Variants in CPSF7 observed in about 807,000 individuals in gnomAD.
CPSF7 encodes the protein cleavage and polyadenylation specific factor 7.
Under a neutral mutation model 44.3 loss-of-function variants are expected in CPSF7, and 1 was observed. The observed-to-expected ratio is 0.02, with a 90% CI of 0.01 to 0.11. The LOEUF (loss-of-function observed/expected upper bound fraction) is 0.11. Among genes scored for constraint, CPSF7 ranks in the 10% least tolerant of loss-of-function variants. The pLI is 1.00. For synonymous variants in CPSF7, 202 were observed against 222.0 expected, an observed-to-expected ratio of 0.91 and a Z score of 0.80; for missense variants, 443 against 607.2, an observed-to-expected ratio of 0.73 and a Z score of 2.84.
At chr11:61,415,552 G>T in intron 7 of CPSF7, 114 bp downstream of exon 7, 3 of 704,438 alleles carry the variant, frequency 4.3e-6, no homozygotes, top group East Asian at 2.5e-5. Flanking sequence ...TGCCGCTCTT[G>T]ATATCTACAG....
At chr11:61,425,680 ATT>A (rs1320114819) in intron 2 of CPSF7, among the ~76,000 whole-genome samples, 1 of 152,140 alleles carries the variant, frequency 6.6e-6, no homozygotes, top group Admixed American at 6.5e-5. Flanking sequence ...ACTTGATACC[ATT>A]GTTTCTTTTA....
chr11:61,424,478 A>G (rs974477726), intron 2 of CPSF7, among the ~76,000 whole-genome samples: 2 of 152,170 alleles, frequency 1.3e-5, no homozygotes, highest in Middle Eastern at 3.4e-3. Context: ...TCTGAGATAG[A>G]GTCTCACTTT....
At chr11:61,427,589 G>A (rs887825275) in intron 2 of CPSF7, among the ~76,000 whole-genome samples, 1 of 150,876 alleles carries the variant, frequency 6.6e-6, no homozygotes, top group Non-Finnish European at 1.5e-5. Context: ...GGAGGCAGAG[G>A]TTGCAGTGAG....
chr11:61,428,176 A>G (rs1861578129), intron 2 of CPSF7, among the ~76,000 whole-genome samples: 1 of 152,198 alleles, frequency 6.6e-6, no homozygotes, highest in Non-Finnish European at 1.5e-5. Flanking sequence ...TATTTCTTTG[A>G]GAGAATTTTT....
At chr11:61,415,933 C>T (rs1860288526) in intron 6 of CPSF7, 149 bp from the exon 7 acceptor site, 1 of 846,726 alleles carries the variant, frequency 1.2e-6, no homozygotes, top group Admixed American at 2.5e-5. Flanking sequence ...AATTAAGCAC[C>T]TTAAAAAGGG....
Position 61,416,447 on chromosome 11 carries a change from A to C in CPSF7, c.596T>G (p.Leu199Arg), listed in dbSNP as rs944294721. The C allele has an allele frequency of 6.2e-7, 1 of 1,614,096 alleles. No individual in the cohort carries two copies. The highest frequency in any genetic ancestry group is 8.5e-7 in the Non-Finnish European group (1 of 1,180,012). The stretch of plus-strand genomic sequence containing the variant: ...ATCCACACGAGCAGATGAGGGTACA[A>C]GGTTCTCAGAGGGTGTGGCCCGTCC... ...ADGRATPSEN[L>R]VPSSARVDKP... Residue 199 changes from leucine (L) to arginine (R), a missense_variant, in exon 6 of 10, where the codon CTT becomes CGT. Coordinates refer to ENST00000439958, the MANE Select transcript of CPSF7 (RefSeq NM_001142565.3).
chr11:61,423,450 C>A (rs1861080302), intron 2 of CPSF7, among the ~76,000 whole-genome samples: 1 of 152,064 alleles, frequency 6.6e-6, no homozygotes, highest in Non-Finnish European at 1.5e-5. Context: ...GGATTACAGG[C>A]GTGAGCCACC....
At chr11:61,406,537 T>C (rs940593134) in intron 9 of CPSF7, among the ~76,000 whole-genome samples, 1 of 152,184 alleles carries the variant, frequency 6.6e-6, no homozygotes, top group Admixed American at 6.5e-5. Flanking sequence ...CAGACTATTA[T>C]TCAGATGCAA....
rs370470692 is a variant in CPSF7 at position 61,414,874 on chromosome 11, T to C, written c.1057+792A>G. Among the ~76,000 whole-genome samples the C allele has an allele frequency of 3.3e-5, 5 of 152,162 alleles. No individual in the cohort carries two copies. The East Asian group carries it at 7.7e-4, about 23-fold the overall frequency. On this transcript the variant is annotated intron_variant, in intron 7 of 9. Transcript: ENST00000439958. The stretch of plus-strand genomic sequence containing the variant: ...TGCCTTAAGATGACATCTACAGACT[T>C]GCCTCTTTTTAGGATAGGCTACCTA...
chr11:61,408,538 C>T lies in CPSF7; in HGVS notation c.*5+2400G>A, dbSNP rs576241381. On this transcript the variant is annotated intron_variant, in intron 9 of 9. Coordinates refer to ENST00000439958, the MANE Select transcript of CPSF7 (RefSeq NM_001142565.3). ...GTCACGCAGTAGCCTCCAAGAACTA[C>T]AGACAGACCCCTAGCCACTCTGGCC... Among the ~76,000 whole-genome samples the T allele has an allele frequency of 7.8e-4, 119 of 152,342 alleles. No homozygotes were observed. The Middle Eastern group carries it at 0.014, about 17-fold the overall frequency.
intron 7 of CPSF7, among the ~76,000 whole-genome samples, chr11:61,412,635 G>A (rs538628726): frequency 1.1e-4 from 17 of 152,188 alleles, no homozygotes; most frequent in Non-Finnish European, 2.2e-4. Flanking sequence ...CTATATAAAG[G>A]AACATTGGTT....
intron 2 of CPSF7, among the ~76,000 whole-genome samples, chr11:61,425,079 T>C (rs745898690): frequency 2.0e-5 from 3 of 152,202 alleles, no homozygotes; most frequent in Non-Finnish European, 2.9e-5. Context: ...CTACCACTTT[T>C]AGAAACAAAA....
chr11:61,425,476 T>C (rs1053225023), intron 2 of CPSF7, among the ~76,000 whole-genome samples: 21 of 152,248 alleles, frequency 1.4e-4, no homozygotes, highest in Admixed American at 3.9e-4. Context: ...TTGTGTTTAA[T>C]GGCACAGAAA....
At chr11:61,412,552 G>C (rs1859950988) in intron 7 of CPSF7, among the ~76,000 whole-genome samples, 1 of 152,196 alleles carries the variant, frequency 6.6e-6, no homozygotes, top group African/African-American at 2.4e-5. Flanking sequence ...GCCTCCCAAA[G>C]TGCTGGGATT....
At chr11:61,427,657 A>G (rs1387771691) in intron 2 of CPSF7, among the ~76,000 whole-genome samples, 1 of 147,696 alleles carries the variant, frequency 6.8e-6, no homozygotes, top group Non-Finnish European at 1.5e-5. Flanking sequence ...TGTCTCAAGA[A>G]AAAAAAAAAA....
At chr11:61,414,345 T>C (rs907326987) in intron 7 of CPSF7, among the ~76,000 whole-genome samples, 1 of 151,934 alleles carries the variant, frequency 6.6e-6, no homozygotes, top group Admixed American at 6.6e-5. Context: ...TTAGTAGAGA[T>C]GGGGTTTTGC....
chr11:61,415,073 CA>C lies in CPSF7; in HGVS notation c.1057+592del, dbSNP rs201215438. 8.3e-3 allele frequency among the ~76,000 whole-genome samples: 1,259 copies of C among 151,930 alleles called. 17 individuals are homozygous for C. The highest frequency in any genetic ancestry group is 0.027 in the South Asian group (130 of 4,816). On this transcript the variant is annotated intron_variant, in intron 7 of 9. Transcript: ENST00000439958. ...CCAATATGATGAAACCCTGTCTCTA[CA>C]AAAAAATACAAAAATTAGCCGGGCG... is the stretch of plus-strand genomic sequence containing the variant.
intron 7 of CPSF7, among the ~76,000 whole-genome samples, chr11:61,414,504 G>T (rs746921659): frequency 7.9e-5 from 12 of 152,066 alleles, no homozygotes; most frequent in Admixed American, 2.6e-4. Flanking sequence ...AAAAATGAAG[G>T]GAACATATGT....
chr11:61,409,389 T>C (rs1859645187), intron 9 of CPSF7, among the ~76,000 whole-genome samples: 1 of 151,488 alleles, frequency 6.6e-6, no homozygotes, highest in African/African-American at 2.4e-5. Context: ...GAGAATTGCT[T>C]GAACCCGGGA....
Sources: gnomAD v4.1 joint callset for allele counts (sites outside exome capture counted in the v4.1 genomes callset) on GRCh38, gnomAD v4.1.1 for gene constraint, MANE v1.5 for transcripts, NCBI Gene and HGNC (gene_info 2026-07-23, HGNC 2026-07-21) for gene names.